The following CLDN10 variants were observed in gnomAD, a reference collection of about 807,000 sequenced individuals.
The protein encoded by CLDN10 is claudin 10, also known as claudin-10.
Under a neutral mutation model 22.9 loss-of-function variants are expected in CLDN10, and 15 were observed. The observed-to-expected ratio is 0.65, with a 90% CI of 0.44 to 1.01. CLDN10 has a LOEUF of 1.01. Ranked by LOEUF, CLDN10 falls within the 50% of genes least tolerant of loss-of-function variation. The pLI is 0.00. For missense variants in CLDN10, 247 were observed against 287.8 expected, an observed-to-expected ratio of 0.86 and a Z score of 1.03; for synonymous variants, 114 against 111.4, an observed-to-expected ratio of 1.02 and a Z score of -0.15.
At chr13:95,575,667 C>A (rs751899291) in intron 3 of CLDN10, among the ~76,000 whole-genome samples, 4 of 152,002 alleles carry the variant, frequency 2.6e-5, no homozygotes, top group Non-Finnish European at 5.9e-5. Context: ...CTTAAGGGAA[C>A]CCGCTGAAGT....
At chr13:95,513,811 C>A (rs2043132369) in intron 1 of CLDN10, among the ~76,000 whole-genome samples, 1 of 152,266 alleles carries the variant, frequency 6.6e-6, no homozygotes, top group South Asian at 2.1e-4. Context: ...GAGATAAACA[C>A]AAAAACAAGT....
intron 1 of CLDN10, among the ~76,000 whole-genome samples, chr13:95,496,509 C>T (rs1176968743): frequency 6.6e-6 from 1 of 152,168 alleles, no homozygotes; most frequent in Non-Finnish European, 1.5e-5. Context: ...TTACAAAATA[C>T]CATAGACTGG....
chr13:95,455,197 GA>G (rs548591708), intron 1 of CLDN10, among the ~76,000 whole-genome samples: 3,010 of 123,048 alleles, frequency 0.024, 46 homozygotes, highest in African/African-American at 0.051. Flanking sequence ...GCCTCTAATA[GA>G]AAAAAAAAAA....
chr13:95,553,064 C>A, intron 1 of CLDN10, 91 bp downstream of exon 1: 3 of 1,514,388 alleles, frequency 2.0e-6, no homozygotes, highest in Non-Finnish European at 2.7e-6. Flanking sequence ...CCCAGCGGGA[C>A]CCCTAGACTG....
chr13:95,463,076 C>T (rs1316822287), intron 1 of CLDN10, among the ~76,000 whole-genome samples: 5 of 151,846 alleles, frequency 3.3e-5, no homozygotes, highest in South Asian at 2.1e-4. Context: ...ACAGGGCAAG[C>T]CCTCTAACCA....
At chr13:95,560,519 T>C (rs2043694751) in intron 3 of CLDN10, 56 bp downstream of exon 3, 3 of 1,370,836 alleles carry the variant, frequency 2.2e-6, no homozygotes, top group Non-Finnish European at 3.1e-6. Context: ...TAAATTAATA[T>C]TCTCAACCAA....
intron 1 of CLDN10, among the ~76,000 whole-genome samples, chr13:95,447,976 G>C (rs1351116497): frequency 6.6e-6 from 1 of 152,112 alleles, no homozygotes; most frequent in East Asian, 1.9e-4. Flanking sequence ...GGCTCTTTCT[G>C]CCTCTGCTTC....
chr13:95,487,749 A>T (rs913517094), intron 1 of CLDN10, among the ~76,000 whole-genome samples: 1 of 152,038 alleles, frequency 6.6e-6, no homozygotes, highest in Non-Finnish European at 1.5e-5. Context: ...ATCATGGTTC[A>T]CTGCAGCCTT....
chr13:95,554,948 G>A (rs1207211660), intron 1 of CLDN10, among the ~76,000 whole-genome samples: 3 of 151,860 alleles, frequency 2.0e-5, no homozygotes, highest in African/African-American at 7.3e-5. Flanking sequence ...TAGAATACAC[G>A]TGCATTTTAA....
intron 1 of CLDN10, among the ~76,000 whole-genome samples, chr13:95,478,486 T>C (rs1260505144): frequency 6.6e-6 from 1 of 152,122 alleles, no homozygotes; most frequent in Non-Finnish European, 1.5e-5. Context: ...ACGGAAGATA[T>C]AATGTGCTGT....
chr13:95,575,168 T>C (rs2043907888), intron 3 of CLDN10, among the ~76,000 whole-genome samples: 1 of 152,196 alleles, frequency 6.6e-6, no homozygotes, highest in South Asian at 2.1e-4. Flanking sequence ...TATTAAGGTA[T>C]AGTTTCAGGA....
chr13:95,456,337 A>G (rs924284655), intron 1 of CLDN10, among the ~76,000 whole-genome samples: 1 of 152,080 alleles, frequency 6.6e-6, no homozygotes, highest in African/African-American at 2.4e-5. Flanking sequence ...TGTCTCCACA[A>G]ATCTCCCAAC....
chr13:95,477,502 G>A (rs780568835), intron 1 of CLDN10, among the ~76,000 whole-genome samples: 57 of 152,160 alleles, frequency 3.7e-4, no homozygotes, highest in Non-Finnish European at 8.4e-4. Flanking sequence ...GACAGTGAGG[G>A]AGACATATTA....
At chr13:95,433,845 G>A in exon 1 of CLDN10, 1 of 1,614,066 alleles carries the variant, frequency 6.2e-7, no homozygotes, top group Non-Finnish European at 8.5e-7. Flanking sequence ...TGTCCAGGGC[G>A]CAGATCTGGG....
At chr13:95,509,910 G>A (rs1276121999) in intron 1 of CLDN10, among the ~76,000 whole-genome samples, 1 of 152,176 alleles carries the variant, frequency 6.6e-6, no homozygotes, top group Non-Finnish European at 1.5e-5. Context: ...ACAGCTTCCA[G>A]GTGTGCTGGT....
At chr13:95,520,593 A>C (rs948778307) in intron 1 of CLDN10, among the ~76,000 whole-genome samples, 2 of 152,146 alleles carry the variant, frequency 1.3e-5, no homozygotes, top group Non-Finnish European at 2.9e-5. Context: ...GGCTGGTCTC[A>C]AACTCCTGAC....
intron 1 of CLDN10, among the ~76,000 whole-genome samples, chr13:95,555,619 T>G (rs1441734096): frequency 6.6e-6 from 1 of 152,258 alleles, no homozygotes; most frequent in Non-Finnish European, 1.5e-5. Context: ...ATCATATTTA[T>G]CAGCCTGTTT....
chr13:95,471,964 TG>T (rs746295308), intron 1 of CLDN10, among the ~76,000 whole-genome samples: 7,035 of 59,594 alleles, frequency 0.12, 307 homozygotes, highest in East Asian at 0.21. Flanking sequence ...TTTTTTTTTT[TG>T]GTAGAGATAG....
intron 1 of CLDN10, among the ~76,000 whole-genome samples, chr13:95,522,909 A>G (rs950153679): frequency 6.6e-6 from 1 of 151,086 alleles, no homozygotes; most frequent in African/African-American, 2.4e-5. Context: ...TATCTTTTTC[A>G]TTTTTTATCT....
Sources: gnomAD v4.1 joint callset for allele counts (sites outside exome capture counted in the v4.1 genomes callset) on GRCh38, gnomAD v4.1.1 for gene constraint, MANE v1.5 for transcripts, NCBI Gene and HGNC (gene_info 2026-07-23, HGNC 2026-07-21) for gene names.